The following PRKDC variants were observed in gnomAD, a reference collection of about 807,000 sequenced individuals.
PRKDC encodes DNA-dependent protein kinase catalytic subunit.
Under a neutral mutation model 486.9 loss-of-function variants are expected in PRKDC, and 82 were observed. That is an observed-to-expected ratio of 0.17 (90% CI 0.14 to 0.20). PRKDC has a LOEUF of 0.20. PRKDC is among the 10% of genes least tolerant of loss of function. PRKDC has a pLI of 1.00. For missense variants in PRKDC, 4,504 were observed against 5,038.2 expected, an observed-to-expected ratio of 0.89 and a Z score of 3.21; for synonymous variants, 1,895 against 1,837.0, an observed-to-expected ratio of 1.03 and a Z score of -0.81.
chr8:47,839,540 AT>A (rs1330442338), intron 55 of PRKDC, among the ~76,000 whole-genome samples: 2 of 152,180 alleles, frequency 1.3e-5, no homozygotes, highest in Non-Finnish European at 2.9e-5. Context: ...GGCAGAGTTC[AT>A]CTCCTTAGTC....
At chr8:47,896,870 G>C (rs1367176987) in intron 30 of PRKDC, among the ~76,000 whole-genome samples, 1 of 152,118 alleles carries the variant, frequency 6.6e-6, no homozygotes, top group East Asian at 1.9e-4. Context: ...TGAGAAACTT[G>C]TCATTATTTC....
In PRKDC at chr8:47,833,727, A is replaced by G. The variant is rs147944971; in HGVS notation, c.8152+469T>C. On this transcript the variant is annotated intron_variant, in intron 59 of 85. Transcript: ENST00000314191. ...CGAAGCGTCCCTTCACCTGGACTGC[A>G]GAATCGATCTGAGCCTACCCACCCT... 4.0e-3 allele frequency among the ~76,000 whole-genome samples: 605 copies of G among 152,266 alleles called. 4 individuals carry two copies. Among genetic ancestry groups the G allele is most frequent in the South Asian group, 0.025 (121 of 4,826 alleles).
chr8:47,941,160 C>T lies in PRKDC; in HGVS notation c.967-1463G>A, dbSNP rs543536419. Among the ~76,000 whole-genome samples, 43 of 148,722 alleles carry T rather than the reference C, an allele frequency of 2.9e-4. No individual in the cohort carries two copies. The South Asian group carries it at 8.7e-3, about 30-fold the overall frequency. On this transcript the variant is annotated intron_variant, in intron 10 of 85. Coordinates refer to ENST00000314191, the MANE Select transcript of PRKDC (RefSeq NM_006904.7). ...AAAAAAAAAACCAAAAAAACAGCAA[C>T]AAAAAAAACACATCATATAGATGTC...
intron 77 of PRKDC, among the ~76,000 whole-genome samples, chr8:47,784,612 G>A (rs989166379): frequency 1.3e-5 from 2 of 152,094 alleles, no homozygotes; most frequent in Non-Finnish European, 2.9e-5. Flanking sequence ...AAAAAGTCAC[G>A]CCTTGAAATC....
At chr8:47,923,124 C>T (rs1001081582) in intron 21 of PRKDC, among the ~76,000 whole-genome samples, 2 of 150,938 alleles carry the variant, frequency 1.3e-5, no homozygotes, top group African/African-American at 4.9e-5. Context: ...AGTGCAACGG[C>T]GTGATCTCGG....
intron 14 of PRKDC, among the ~76,000 whole-genome samples, 160 bp downstream of exon 14, chr8:47,934,849 T>C (rs1288801383): frequency 6.6e-6 from 1 of 152,196 alleles, no homozygotes; most frequent in African/African-American, 2.4e-5. Context: ...CCTAACAAAA[T>C]ATAGAGGTAT....
chr8:47,792,721 CCATAAA>C (rs1288741659), intron 74 of PRKDC, among the ~76,000 whole-genome samples: 1 of 151,792 alleles, frequency 6.6e-6, no homozygotes, highest in Non-Finnish European at 1.5e-5. Context: ...CCCATGTACC[CCATAAA>C]CATAGACACC....
chr8:47,878,158 G>A (rs2154501337), intron 39 of PRKDC, among the ~76,000 whole-genome samples: 1 of 146,028 alleles, frequency 6.8e-6, no homozygotes, highest in East Asian at 2.1e-4. Flanking sequence ...AGGCTGGAGT[G>A]CAGTGACACG....
intron 68 of PRKDC, among the ~76,000 whole-genome samples, chr8:47,814,675 A>G (rs1486738988): frequency 6.6e-6 from 1 of 152,220 alleles, no homozygotes; most frequent in Admixed American, 6.5e-5. Context: ...GAAATTAAAG[A>G]TATCTAAATT....
At chr8:47,810,380 A>C (rs916826782) in intron 68 of PRKDC, among the ~76,000 whole-genome samples, 2 of 152,238 alleles carry the variant, frequency 1.3e-5, no homozygotes, top group African/African-American at 2.4e-5. Context: ...ACTGCCTAAG[A>C]GTACAAATTT....
intron 32 of PRKDC, among the ~76,000 whole-genome samples, 158 bp downstream of exon 32, chr8:47,890,099 G>A (rs1198425028): frequency 6.6e-6 from 1 of 151,504 alleles, no homozygotes; most frequent in Non-Finnish European, 1.5e-5. Context: ...TCTTCCTGAA[G>A]TCAGGAAAAG....
At chr8:47,894,807 T>C (rs2154502025) in intron 30 of PRKDC, among the ~76,000 whole-genome samples, 1 of 152,290 alleles carries the variant, frequency 6.6e-6, no homozygotes, top group Middle Eastern at 3.4e-3. Flanking sequence ...CAATGGCTTG[T>C]ACCTGTAATT....
chr8:47,834,596 G>A (rs1050946177), intron 58 of PRKDC, among the ~76,000 whole-genome samples, 200 bp from the exon 59 acceptor site: 2 of 151,682 alleles, frequency 1.3e-5, no homozygotes, highest in Admixed American at 1.3e-4. Context: ...GGACCGCAGT[G>A]TCCCCATTTG....
chr8:47,865,838 G>A (rs1157935151), intron 40 of PRKDC, among the ~76,000 whole-genome samples: 2 of 152,118 alleles, frequency 1.3e-5, no homozygotes, highest in African/African-American at 2.4e-5. Flanking sequence ...AAGGCTGTTG[G>A]GAGGTGATCA....
intron 11 of PRKDC, among the ~76,000 whole-genome samples, chr8:47,937,660 C>G (rs1589805709): frequency 1.3e-5 from 2 of 152,336 alleles, no homozygotes; most frequent in Non-Finnish European, 2.9e-5. Context: ...CCTCTCCTGC[C>G]TATCATGCTC....
At position 47,905,030 on chromosome 8, in the gene PRKDC, G is replaced by A. The variant is rs56110471; in HGVS notation, c.2935-54C>T. 2.2e-3 allele frequency: 2,836 copies of A among 1,279,316 alleles called. 51 individuals carry two copies. In the African/African-American group the frequency reaches 0.035, roughly 16 times the overall value. The allele number at this position is 1,279,316 out of a possible 1,614,324, so 79.2% of individuals were successfully genotyped here. A position where few individuals can be genotyped will look rare whatever the true frequency, so the allele number is the denominator to read the frequency against. On this transcript the variant is annotated intron_variant, in intron 25 of 85. Transcript: ENST00000314191. ...TCCCTTCATGTTAAAGAAATGTTAC[G>A]CTGTAAAGGGTTCCATTTAAATGCC...
intron 10 of PRKDC, 96 bp from the exon 11 acceptor site, chr8:47,939,793 G>A (rs2090412934): frequency 1.8e-6 from 2 of 1,084,632 alleles, no homozygotes; most frequent in African/African-American, 3.2e-5. Flanking sequence ...TGCTACTAAT[G>A]TACTGTTATA....
chr8:47,859,577 G>C, intron 46 of PRKDC, 34 bp downstream of exon 46: 1 of 1,597,706 alleles, frequency 6.3e-7, no homozygotes, highest in Non-Finnish European at 8.6e-7. Flanking sequence ...CACAAACATC[G>C]ACAATATTCT....
At chr8:47,851,002 G>A (rs1382634623) in intron 52 of PRKDC, among the ~76,000 whole-genome samples, 1 of 152,134 alleles carries the variant, frequency 6.6e-6, no homozygotes, top group Non-Finnish European at 1.5e-5. Context: ...TGGAGGCAGG[G>A]TTTCACTATG....
Sources: allele counts gnomAD v4.1 joint callset (sites outside exome capture counted in the v4.1 genomes callset), GRCh38; gene constraint gnomAD v4.1.1; transcripts MANE v1.5; gene names NCBI Gene and HGNC (gene_info 2026-07-23, HGNC 2026-07-21).